BRINP1: variants seen among roughly 807,000 people sequenced by gnomAD.
BRINP1 encodes the protein BMP/retinoic acid inducible neural specific 1.
Under a neutral mutation model 72.9 loss-of-function variants are expected in BRINP1, and 17 were observed. The ratio of observed to expected loss-of-function variants is 0.23; its 90% CI spans 0.16 to 0.35. The LOEUF is 0.35. Among genes scored for constraint, BRINP1 ranks in the 10% least tolerant of loss-of-function variants. The probability of loss-of-function intolerance (pLI) is 1.00; values close to 1 mark genes in which losing one functional copy is unlikely to be tolerated. For missense variants in BRINP1, 850 were observed against 1,001.6 expected (o/e 0.85, Z 2.04); for synonymous variants, 418 against 378.5 (o/e 1.10, Z -1.21).
At chr9:119,190,752 A>T (rs1829675179) in intron 7 of BRINP1, among the ~76,000 whole-genome samples, 1 of 152,026 alleles carries the variant, frequency 6.6e-6, no homozygotes, top group African/African-American at 2.4e-5. Flanking sequence ...AATACTTCTT[A>T]AATTCTTCCA....
At chr9:119,256,491 T>C (rs144503824) in intron 2 of BRINP1, among the ~76,000 whole-genome samples, 3 of 152,340 alleles carry the variant, frequency 2.0e-5, no homozygotes, top group Admixed American at 6.5e-5. Context: ...TTTTTTCGTA[T>C]ATGTGATGAG....
At chr9:119,306,129 G>A (rs140897314) in intron 2 of BRINP1, among the ~76,000 whole-genome samples, 23 of 152,258 alleles carry the variant, frequency 1.5e-4, no homozygotes, top group African/African-American at 3.9e-4. Flanking sequence ...GACACTGCTC[G>A]TGACAAAAGC....
At chr9:119,275,120 AC>A (rs1830643877) in intron 2 of BRINP1, among the ~76,000 whole-genome samples, 2 of 152,124 alleles carry the variant, frequency 1.3e-5, no homozygotes, top group African/African-American at 4.8e-5. Flanking sequence ...TGGGTACCTG[AC>A]CCATTGAGTT....
chr9:119,254,181 G>C (rs1055674815), intron 2 of BRINP1, among the ~76,000 whole-genome samples: 2 of 152,172 alleles, frequency 1.3e-5, no homozygotes, highest in Non-Finnish European at 2.9e-5. Flanking sequence ...TGAAAGTCTT[G>C]CTCTCAAGGG....
intron 5 of BRINP1, among the ~76,000 whole-genome samples, chr9:119,224,873 C>T (rs184208353): frequency 1.2e-4 from 19 of 152,170 alleles, no homozygotes; most frequent in Middle Eastern, 3.4e-3. Flanking sequence ...TCCCACAGTG[C>T]AGTGCTGCCA....
At chr9:119,365,511 G>A (rs1490588048) in intron 1 of BRINP1, among the ~76,000 whole-genome samples, 1 of 152,180 alleles carries the variant, frequency 6.6e-6, no homozygotes, top group Non-Finnish European at 1.5e-5. Flanking sequence ...AAGTGATAAT[G>A]TACTGGTGAT....
chr9:119,313,450 A>C, intron 1 of BRINP1, 45 bp from the exon 2 acceptor site: 1 of 1,472,270 alleles, frequency 6.8e-7, no homozygotes, highest in Non-Finnish European at 9.0e-7. Flanking sequence ...AAGAGAAACC[A>C]AAAGAGAGAG....
At chr9:119,209,476 G>A (rs1321036284) in intron 6 of BRINP1, among the ~76,000 whole-genome samples, 11 of 151,936 alleles carry the variant, frequency 7.2e-5, no homozygotes, top group Admixed American at 5.9e-4. Context: ...GCTGAGGCAG[G>A]AGAATCGCTT....
At chr9:119,363,564 A>G (rs1411258019) in intron 1 of BRINP1, among the ~76,000 whole-genome samples, 1 of 152,218 alleles carries the variant, frequency 6.6e-6, no homozygotes, top group African/African-American at 2.4e-5. Context: ...TTTCTACCAC[A>G]TTACCACGAC....
Position 119,167,961 on chromosome 9 carries a change from C to G in BRINP1, c.1409G>C (p.Arg470Pro), listed in dbSNP as rs151314025. 2.5e-6 allele frequency: 4 copies of G among 1,614,208 alleles called. No homozygotes were observed. Among genetic ancestry groups the G allele is most frequent in the Admixed American group, 3.3e-5 (2 of 60,030 alleles). ...CTCAAAGCTGATGAACTGCTCGCTC[C>G]GCTCCGAGTCCACGTTCTGTGGTTC... ...RCEPQNVDSE[R>P]SEQFISFETD... The change falls in exon 8 of 8, where the codon CGG becomes CCG. Residue 470 changes from arginine (R) to proline (P), a missense_variant. Arg to Pro is a moderately radical substitution (Grantham distance 103). Transcript: ENST00000265922. The surrounding 1 kb of genome is among the most constrained non-coding windows in gnomAD (Gnocchi z 4.3).
intron 2 of BRINP1, among the ~76,000 whole-genome samples, chr9:119,289,367 A>G (rs1183480738): frequency 6.6e-6 from 1 of 152,212 alleles, no homozygotes; most frequent in Non-Finnish European, 1.5e-5. Context: ...TTCTCTACCA[A>G]TGAAGACGAT....
chr9:119,307,342 G>C (rs1457356222), intron 2 of BRINP1, among the ~76,000 whole-genome samples: 1 of 152,060 alleles, frequency 6.6e-6, no homozygotes, highest in Non-Finnish European at 1.5e-5. Context: ...AACTCTGCAG[G>C]TAATTCTAAT....
intron 7 of BRINP1, among the ~76,000 whole-genome samples, chr9:119,179,821 A>G (rs527610114): frequency 6.6e-6 from 1 of 152,310 alleles, no homozygotes; most frequent in South Asian, 2.1e-4. Context: ...CAACTGGAGA[A>G]GAAAGAGGCT....
chr9:119,330,066 C>T (rs934595019), intron 1 of BRINP1, among the ~76,000 whole-genome samples: 7 of 152,200 alleles, frequency 4.6e-5, no homozygotes, highest in Non-Finnish European at 1.0e-4. Flanking sequence ...CACAGAAGCA[C>T]ATCCATGGTC....
chr9:119,176,785 G>C (rs1018686595), intron 7 of BRINP1, among the ~76,000 whole-genome samples: 2 of 152,166 alleles, frequency 1.3e-5, no homozygotes, highest in African/African-American at 4.8e-5. Flanking sequence ...TCTGGAGTTT[G>C]AGGAAAACCA....
chr9:119,248,896 C>T, intron 3 of BRINP1, 64 bp downstream of exon 3: 1 of 1,420,918 alleles, frequency 7.0e-7, no homozygotes, highest in South Asian at 1.3e-5. Flanking sequence ...AGACATCCCA[C>T]TCTCCCTTCC....
In BRINP1 at chr9:119,167,892, T is replaced by C. The variant is rs375529440; in HGVS notation, c.1478A>G (p.Gln493Arg). The change falls in exon 8 of 8, where the codon CAG (glutamine) becomes CGG (arginine). Residue 493 changes from glutamine (Q) to arginine (R), a missense_variant. Gln to Arg is a conservative substitution (Grantham distance 43). Transcript: ENST00000265922. The surrounding 1 kb of genome is among the most constrained non-coding windows in gnomAD (Gnocchi z 4.3). ...GACGTAGAGGCGTGAGTCCATCTTC[T>C]GCAGCAGGTACTTCAGCTCCAGGTC... ...FQDLELKYLL[Q>R]KMDSRLYVHT... 12 of 1,614,222 alleles carry C rather than the reference T, an allele frequency of 7.4e-6. 1 individual carries two copies. Among genetic ancestry groups the C allele is most frequent in the Non-Finnish European group, 1.0e-5 (12 of 1,180,036 alleles).
intron 2 of BRINP1, among the ~76,000 whole-genome samples, chr9:119,293,595 A>G (rs368661087): frequency 1.5e-4 from 23 of 152,364 alleles, no homozygotes; most frequent in African/African-American, 5.3e-4. Context: ...CTTACCAGGT[A>G]TATCACACTG....
intron 1 of BRINP1, among the ~76,000 whole-genome samples, chr9:119,359,359 C>A (rs1478324708): frequency 1.3e-5 from 2 of 152,112 alleles, no homozygotes; most frequent in African/African-American, 4.8e-5. Context: ...CCACATCTGG[C>A]TAATTATTTT....
Sources: allele counts gnomAD v4.1 joint callset (sites outside exome capture counted in the v4.1 genomes callset), GRCh38; gene constraint gnomAD v4.1.1; non-coding constraint Gnocchi (gnomAD v3.1); transcripts MANE v1.5; gene names NCBI Gene and HGNC (gene_info 2026-07-23, HGNC 2026-07-21).